PTPRJ: variants seen among roughly 807,000 people sequenced by gnomAD.
PTPRJ encodes protein tyrosine phosphatase receptor type J.
Under a neutral mutation model 141.3 loss-of-function variants are expected in PTPRJ, and 129 were observed. The observed-to-expected ratio is 0.91, with a 90% confidence interval of 0.79 to 1.06. The LOEUF is 1.06. Ranked by LOEUF, PTPRJ falls within the 50% of genes least tolerant of loss-of-function variation. PTPRJ has a pLI of 0.00. For missense variants in PTPRJ, 1,601 were observed against 1,679.7 expected (o/e 0.95, Z 0.82); for synonymous variants, 610 against 640.5 (o/e 0.95, Z 0.72).
chr11:48,095,473 G>A (rs1336294876), intron 1 of PTPRJ, among the ~76,000 whole-genome samples: 1 of 152,112 alleles, frequency 6.6e-6, no homozygotes, highest in Non-Finnish European at 1.5e-5. Flanking sequence ...AGAGAGAAGG[G>A]TAGGAGGAGA....
At chr11:48,079,396 G>A (rs1855500535) in intron 1 of PTPRJ, among the ~76,000 whole-genome samples, 1 of 151,990 alleles carries the variant, frequency 6.6e-6, no homozygotes, top group Non-Finnish European at 1.5e-5. Flanking sequence ...GGGTGAAAGG[G>A]TTGTGCCTTC....
chr11:48,138,341 A>G (rs1227089368), intron 10 of PTPRJ, among the ~76,000 whole-genome samples: 2 of 152,190 alleles, frequency 1.3e-5, no homozygotes, highest in Admixed American at 1.3e-4. Flanking sequence ...TTTGTAGCCT[A>G]TAGCAAGAGA....
intron 22 of PTPRJ, 126 bp downstream of exon 22, chr11:48,160,175 C>A: frequency 7.6e-7 from 1 of 1,316,766 alleles, no homozygotes; most frequent in Non-Finnish European, 1.1e-6. Context: ...TGCTGCTTTC[C>A]TTTCAGAACA....
chr11:48,071,322 A>C (rs1855243096), intron 1 of PTPRJ, among the ~76,000 whole-genome samples: 1 of 147,278 alleles, frequency 6.8e-6, no homozygotes, highest in Admixed American at 6.8e-5. Flanking sequence ...AGACTGAGTA[A>C]TTTTTTTTTT....
chr11:48,093,272 T>C lies in PTPRJ; in HGVS notation c.97-16786T>C, dbSNP rs374435719. Among the ~76,000 whole-genome samples the C allele has an allele frequency of 3.9e-5, 6 of 152,374 alleles. No individual in the cohort carries two copies. In the South Asian group the frequency reaches 1.2e-3, roughly 32 times the overall value. On this transcript the variant is annotated intron_variant, in intron 1 of 24. Transcript: ENST00000418331. ...AGGGAAATGTTTATCCTTCTAAAAA[T>C]ATTTAGTAGAGTGGTCTAAGATGAG...
intron 3 of PTPRJ, among the ~76,000 whole-genome samples, chr11:48,114,851 T>C (rs546020689): frequency 6.6e-6 from 1 of 152,258 alleles, no homozygotes; most frequent in African/African-American, 2.4e-5. Flanking sequence ...AGTGACTAGA[T>C]TGAGATATTT....
At chr11:48,120,485 G>T (rs571413692) in intron 3 of PTPRJ, among the ~76,000 whole-genome samples, 1 of 152,254 alleles carries the variant, frequency 6.6e-6, no homozygotes, top group East Asian at 1.9e-4. Context: ...GAGTGCAGTG[G>T]CGCGATCTTG....
Position 48,123,673 on chromosome 11 carries a change from C to G in PTPRJ, c.677C>G (p.Ser226Cys). ...ALTGVRKAAL[S>C]WSNGNGTASC... Reference sequence around the variant, plus strand: ...ACGGGTGTGAGGAAGGCTGCTCTCTCCTGGAGCAATGGCAATGGCACTGCC... The same window carrying G: ...ACGGGTGTGAGGAAGGCTGCTCTCTGCTGGAGCAATGGCAATGGCACTGCC... Residue 226 changes from serine to cysteine, a missense_variant, in exon 5 of 25, where the codon TCC becomes TGC. Coordinates refer to ENST00000418331, the MANE Select transcript of PTPRJ (RefSeq NM_002843.4). The G allele has an allele frequency of 6.2e-7, 1 of 1,614,166 alleles. No homozygotes were observed.
intron 1 of PTPRJ, among the ~76,000 whole-genome samples, chr11:48,079,583 T>A (rs1247521004): frequency 1.3e-5 from 2 of 152,030 alleles, no homozygotes; most frequent in South Asian, 2.1e-4. Flanking sequence ...CACACCTAAC[T>A]CTGAGGCTCT....
chr11:47,993,970 C>T (rs1854265410), intron 1 of PTPRJ, among the ~76,000 whole-genome samples: 1 of 151,858 alleles, frequency 6.6e-6, no homozygotes, highest in African/African-American at 2.4e-5. Context: ...AAGCAGTTCT[C>T]CTGCCTCAGC....
At chr11:48,063,026 TA>T (rs1193612781) in intron 1 of PTPRJ, among the ~76,000 whole-genome samples, 1 of 152,190 alleles carries the variant, frequency 6.6e-6, no homozygotes, top group Non-Finnish European at 1.5e-5. Flanking sequence ...CTGATGCCTA[TA>T]TTTCAAAACC....
intron 1 of PTPRJ, among the ~76,000 whole-genome samples, chr11:48,061,196 G>A (rs769968408): frequency 6.6e-6 from 1 of 152,122 alleles, no homozygotes; most frequent in African/African-American, 2.4e-5. Flanking sequence ...GTCTGATCTC[G>A]AACTCCTGAC....
intron 3 of PTPRJ, among the ~76,000 whole-genome samples, chr11:48,116,539 A>G (rs1856570922): frequency 6.6e-6 from 1 of 152,242 alleles, no homozygotes; most frequent in African/African-American, 2.4e-5. Flanking sequence ...TCAATAAGGA[A>G]GCATCAGACT....
In PTPRJ at chr11:48,139,508, C is replaced by A. The variant is rs770495585; in HGVS notation, c.2175C>A (p.Phe725Leu). 20 of 1,614,006 alleles carry A rather than the reference C, an allele frequency of 1.2e-5. No individual in the cohort carries two copies. The highest frequency in any genetic ancestry group is 1.7e-5 in the Admixed American group (1 of 60,032). Residue 725 changes from phenylalanine to leucine, a missense_variant, in exon 11 of 25, where the codon TTC becomes TTA. Coordinates refer to ENST00000418331, the MANE Select transcript of PTPRJ (RefSeq NM_002843.4). ...FCTDPASMAS[F>L]DCEVVPKEPA... is the part of the protein sequence containing the mutation. ...CAGATCCTGCGTCCATGGCCTCCTTCGACTGCGAAGTGGTCCCCAAAGAGC... is the reference window on the plus strand; with the variant it reads ...CAGATCCTGCGTCCATGGCCTCCTTAGACTGCGAAGTGGTCCCCAAAGAGC...
chr11:48,153,781 T>C lies in PTPRJ; in HGVS notation c.3139-15T>C. Reference sequence around the variant, plus strand: ...AAGACTAAATAAATGAACACCTCATTTGTTTTGTTTTCAGGATCTGAAGCT... The same window carrying C: ...AAGACTAAATAAATGAACACCTCATCTGTTTTGTTTTCAGGATCTGAAGCT... On this transcript the variant is annotated splice_polypyrimidine_tract_variant and intron_variant, in intron 18 of 24. Coordinates refer to ENST00000418331, the MANE Select transcript of PTPRJ (RefSeq NM_002843.4). 2 of 1,563,648 alleles carry C rather than the reference T, an allele frequency of 1.3e-6. No homozygotes were observed. Among genetic ancestry groups the C allele is most frequent in the South Asian group, 2.2e-5 (2 of 89,996 alleles).
intron 1 of PTPRJ, among the ~76,000 whole-genome samples, chr11:48,053,410 A>G (rs1455632357): frequency 9.1e-6 from 1 of 110,026 alleles, no homozygotes; most frequent in Non-Finnish European, 1.7e-5. Flanking sequence ...TATATAATAT[A>G]TATAAATATA....
rs1157170969 is a variant in PTPRJ, at chr11:48,123,666, G to A, written c.670G>A (p.Ala224Thr). The stretch of plus-strand genomic sequence containing the variant: ...TGCCCTCACGGGTGTGAGGAAGGCT[G>A]CTCTCTCCTGGAGCAATGGCAATGG... Reference protein sequence around the residue: ...RVALTGVRKAALSWSNGNGTA... With the variant: ...RVALTGVRKATLSWSNGNGTA... Residue 224 changes from alanine to threonine, a missense_variant, in exon 5 of 25, where the codon GCT (alanine) becomes ACT (threonine). Physicochemically the swap from Ala to Thr is moderately conservative, Grantham distance 58. Coordinates refer to ENST00000418331, the MANE Select transcript of PTPRJ (RefSeq NM_002843.4). 1.5e-5 allele frequency: 25 copies of A among 1,614,166 alleles called. No individual in the cohort carries two copies. The highest frequency in any genetic ancestry group is 2.0e-5 in the Non-Finnish European group (24 of 1,180,012).
chr11:48,103,889 G>A (rs1206940033), intron 1 of PTPRJ, among the ~76,000 whole-genome samples: 2 of 152,230 alleles, frequency 1.3e-5, no homozygotes, highest in African/African-American at 2.4e-5. Flanking sequence ...CTTGGAGGAG[G>A]CCATCGTGCC....
intron 2 of PTPRJ, among the ~76,000 whole-genome samples, chr11:48,112,341 GA>G (rs1012921513): frequency 4.6e-5 from 7 of 152,180 alleles, no homozygotes; most frequent in Non-Finnish European, 7.3e-5. Flanking sequence ...GAAAATGGGG[GA>G]ATGGAGTTTG....
Sources: gnomAD v4.1 joint callset for allele counts (sites outside exome capture counted in the v4.1 genomes callset) on GRCh38, gnomAD v4.1.1 for gene constraint, MANE v1.5 for transcripts, NCBI Gene and HGNC (gene_info 2026-07-23, HGNC 2026-07-21) for gene names.